The following GPATCH2L variants were observed in gnomAD, a reference collection of about 807,000 sequenced individuals.
The protein encoded by GPATCH2L is G-patch domain containing 2 like.
Under a neutral mutation model 57.4 loss-of-function variants are expected in GPATCH2L, and 31 were observed. The observed-to-expected ratio is 0.54, with a 90% CI of 0.41 to 0.73. The LOEUF (loss-of-function observed/expected upper bound fraction) is 0.73, where lower values mean the gene tolerates loss of function less well. GPATCH2L is among the 30% of genes least tolerant of loss of function. The pLI is 0.00. For synonymous variants in GPATCH2L, 199 were observed against 210.7 expected, an observed-to-expected ratio of 0.94 and a Z score of 0.48; for missense variants, 481 against 599.9, an observed-to-expected ratio of 0.80 and a Z score of 2.07.
intron 3 of GPATCH2L, among the ~76,000 whole-genome samples, chr14:76,168,395 G>A (rs368103983): frequency 5.3e-5 from 8 of 152,294 alleles, no homozygotes; most frequent in African/African-American, 1.9e-4. Context: ...TGGTAATGCT[G>A]CTTAACAGCC....
intron 6 of GPATCH2L, among the ~76,000 whole-genome samples, chr14:76,177,188 G>T (rs931765690): frequency 2.0e-5 from 3 of 152,114 alleles, no homozygotes; most frequent in Non-Finnish European, 4.4e-5. Context: ...TGGGACTACA[G>T]GCGCATGCTG....
chr14:76,188,395 G>C (rs2039849845), intron 8 of GPATCH2L, among the ~76,000 whole-genome samples: 1 of 151,826 alleles, frequency 6.6e-6, no homozygotes, highest in African/African-American at 2.4e-5. Context: ...TTGTATTTTG[G>C]ATGTAAGCCA....
intron 1 of GPATCH2L, among the ~76,000 whole-genome samples, chr14:76,219,957 T>C (rs956583445): frequency 1.3e-5 from 2 of 152,216 alleles, no homozygotes; most frequent in Non-Finnish European, 2.9e-5. Context: ...GCTGTCCTTG[T>C]GTGACTTAAG....
chr14:76,183,170 G>C (rs917499523), intron 8 of GPATCH2L, among the ~76,000 whole-genome samples: 3 of 152,146 alleles, frequency 2.0e-5, no homozygotes, highest in Non-Finnish European at 4.4e-5. Context: ...TTGTTTCTTT[G>C]TGTATCTCAT....
At chr14:76,157,904 T>G (rs539892961) in intron 2 of GPATCH2L, among the ~76,000 whole-genome samples, 1 of 152,276 alleles carries the variant, frequency 6.6e-6, no homozygotes, top group East Asian at 1.9e-4. Context: ...TTTTTTCTGC[T>G]TGCATAGAGA....
At chr14:76,186,187 T>C (rs1287448461) in intron 8 of GPATCH2L, among the ~76,000 whole-genome samples, 3 of 152,094 alleles carry the variant, frequency 2.0e-5, no homozygotes, top group African/African-American at 7.2e-5. Flanking sequence ...GTAATACTGA[T>C]TCTTGAGGTG....
intron 1 of GPATCH2L, among the ~76,000 whole-genome samples, chr14:76,224,192 A>T (rs377041716): frequency 1.6e-3 from 246 of 152,326 alleles, no homozygotes; most frequent in African/African-American, 5.6e-3. Flanking sequence ...CCATAGAGAC[A>T]GATATTGCAG....
chr14:76,227,395 A>G (rs1179344943), intron 1 of GPATCH2L, among the ~76,000 whole-genome samples: 1 of 152,158 alleles, frequency 6.6e-6, no homozygotes, highest in Non-Finnish European at 1.5e-5. Flanking sequence ...GCTGCAGGGA[A>G]ATGAGACCAG....
chr14:76,173,672 C>T, intron 5 of GPATCH2L, 47 bp downstream of exon 5: 3 of 1,143,332 alleles, frequency 2.6e-6, no homozygotes, highest in Non-Finnish European at 4.0e-6. Context: ...GATAATATTC[C>T]CTATGGGAGT....
chr14:76,229,299 GT>G (rs1249021875), intron 1 of GPATCH2L, among the ~76,000 whole-genome samples: 1 of 152,184 alleles, frequency 6.6e-6, no homozygotes. Context: ...TGCATTCACT[GT>G]TTCATGATAG....
Position 76,208,050 on chromosome 14 carries a change from C to A in GPATCH2L, c.*6199C>A, listed in dbSNP as rs1237368330. On this transcript the variant is annotated 3_prime_UTR_variant, in exon 10 of 10. Coordinates refer to ENST00000261530, the MANE Select transcript of GPATCH2L (RefSeq NM_017926.4). ...TTTTGCAGTCTTTTAAAACACCACA[C>A]TTCTTTTCCATCTTGAAGACCAGTT... is the stretch of plus-strand genomic sequence containing the variant. 1 of 152,166 alleles carries A rather than the reference C, an allele frequency of 6.6e-6. No homozygotes were observed. Among genetic ancestry groups the A allele is most frequent in the Non-Finnish European group, 1.5e-5 (1 of 68,046 alleles). The allele number at this position is 152,166 out of a possible 1,614,324, so 9.4% of individuals were successfully genotyped here.
At chr14:76,230,258 A>G (rs540678729) in intron 2 of GPATCH2L, 1 of 152,358 alleles carries the variant, frequency 6.6e-6, no homozygotes, top group East Asian at 1.9e-4. Context: ...AGTGATGTCA[A>G]TTGGATGTAG....
rs1388798568 is a variant in GPATCH2L at position 76,201,777 on chromosome 14, GCAGAGAAAGCCA to G, written c.1380_1391del (p.Glu460_Thr463del). On this transcript the variant is annotated inframe_deletion, in exon 10 of 10. Transcript: ENST00000261530. ...TGAGTGGTTGGTGAGGACCTCTGCA[GCAGAGAAAGCCA>G]CAGACGCAACTACTGCTACATTTTT... is the stretch of plus-strand genomic sequence containing the variant. 2.5e-6 allele frequency: 4 copies of G among 1,613,984 alleles called. No individual in the cohort carries two copies. The African/African-American group carries it at 4.0e-5, about 16-fold the overall frequency.
intron 8 of GPATCH2L, among the ~76,000 whole-genome samples, chr14:76,183,074 T>A (rs1362575331): frequency 6.6e-6 from 1 of 152,272 alleles, no homozygotes; most frequent in Non-Finnish European, 1.5e-5. Flanking sequence ...AGAGCTGTGC[T>A]GTGCTGAGAT....
rs778957094 is a variant in GPATCH2L at position 76,212,798 on chromosome 14, G to T, written c.*10947G>T. On this transcript the variant is annotated 3_prime_UTR_variant, in exon 10 of 10. Transcript: ENST00000261530. ...ACAGATGGCATTTGCTGATAAAAATGCAATAAACTTAGAATTTGAGGATAG... is the reference window on the plus strand; with the variant it reads ...ACAGATGGCATTTGCTGATAAAAATTCAATAAACTTAGAATTTGAGGATAG... 12 of 151,886 alleles carry T rather than the reference G, an allele frequency of 7.9e-5. No individual in the cohort carries two copies. Among genetic ancestry groups the T allele is most frequent in the Non-Finnish European group, 1.6e-4 (11 of 67,952 alleles). The allele number at this position is 151,886 out of a possible 1,614,324, so 9.4% of individuals were successfully genotyped here. A position where few individuals can be genotyped will look rare whatever the true frequency, so the allele number is the denominator to read the frequency against.
At chr14:76,233,364 A>G (rs2040583580) in intron 2 of GPATCH2L, among the ~76,000 whole-genome samples, 1 of 152,222 alleles carries the variant, frequency 6.6e-6, no homozygotes, top group Non-Finnish European at 1.5e-5. Flanking sequence ...TGGCAATTTG[A>G]TAGATACAAA....
Position 76,211,766 on chromosome 14 carries a change from C to T in GPATCH2L, c.*9915C>T, listed in dbSNP as rs1285166113. On this transcript the variant is annotated 3_prime_UTR_variant, in exon 10 of 10. Transcript: ENST00000261530. Reference sequence around the variant, plus strand: ...GAAGTGCCCATGGGATAAAACCAATCTGCTGGCTCACACTAAGTTCTGATC... The same window carrying T: ...GAAGTGCCCATGGGATAAAACCAATTTGCTGGCTCACACTAAGTTCTGATC... 6.6e-6 allele frequency: 1 copy of T among 152,174 alleles called. No individual in the cohort carries two copies. Among genetic ancestry groups the T allele is most frequent in the Non-Finnish European group, 1.5e-5 (1 of 68,028 alleles). The allele number at this position is 152,174 out of a possible 1,614,324, so 9.4% of individuals were successfully genotyped here.
intron 9 of GPATCH2L, among the ~76,000 whole-genome samples, chr14:76,201,034 A>T (rs2040297349): frequency 6.6e-6 from 1 of 152,208 alleles, no homozygotes; most frequent in African/African-American, 2.4e-5. Flanking sequence ...TCTGAAGTAT[A>T]CAAGACAGCC....
At chr14:76,234,947 TC>T (rs2040590882) in intron 2 of GPATCH2L, 1 of 152,266 alleles carries the variant, frequency 6.6e-6, no homozygotes, top group South Asian at 2.1e-4. Flanking sequence ...GGCCAGCAGA[TC>T]ACCTGAGGTC....
Sources: allele counts gnomAD v4.1 joint callset (sites outside exome capture counted in the v4.1 genomes callset), GRCh38; gene constraint gnomAD v4.1.1; transcripts MANE v1.5; gene names NCBI Gene and HGNC (gene_info 2026-07-23, HGNC 2026-07-21).